Variants in AGBL1 observed in about 807,000 individuals in gnomAD.
The protein encoded by AGBL1 is AGBL carboxypeptidase 1, also known as cytosolic carboxypeptidase 4.
Under a neutral mutation model 118.9 loss-of-function variants are expected in AGBL1, and 130 were observed. The observed-to-expected ratio is 1.09, with a 90% CI of 0.95 to 1.26. The LOEUF (loss-of-function observed/expected upper bound fraction) is 1.26. Ranked by LOEUF, AGBL1 falls within the 50% of genes most tolerant of loss-of-function variation. AGBL1 has a pLI of 0.00. For missense variants in AGBL1, 1,584 were observed against 1,298.1 expected, an observed-to-expected ratio of 1.22 and a Z score of -3.38; for synonymous variants, 555 against 478.9, an observed-to-expected ratio of 1.16 and a Z score of -2.08.
intron 24 of AGBL1, among the ~76,000 whole-genome samples, chr15:87,008,732 G>A (rs918049733): frequency 1.3e-5 from 2 of 152,216 alleles, no homozygotes; most frequent in Admixed American, 6.5e-5. Context: ...CCAGGCTGAA[G>A]TGATCTCAGA....
chr15:86,134,266 G>A (rs992762157), intron 1 of AGBL1, among the ~76,000 whole-genome samples: 2 of 152,304 alleles, frequency 1.3e-5, no homozygotes, highest in African/African-American at 4.8e-5. Flanking sequence ...TCTAGTGAGT[G>A]TTCAAACTGC....
chr15:86,266,517 G>C (rs2079074917), intron 12 of AGBL1, 60 bp downstream of exon 12: 6 of 1,187,786 alleles, frequency 5.1e-6, no homozygotes, highest in Non-Finnish European at 6.0e-6. Context: ...AATGGCATGA[G>C]AATAGACATG....
At chr15:86,982,096 T>G (rs901101225) in intron 23 of AGBL1, among the ~76,000 whole-genome samples, 12 of 152,180 alleles carry the variant, frequency 7.9e-5, no homozygotes, top group African/African-American at 2.9e-4. Context: ...AGGTACCTCA[T>G]GCTGATCACA....
At chr15:86,171,496 C>T (rs367829452) in intron 5 of AGBL1, among the ~76,000 whole-genome samples, 9 of 152,018 alleles carry the variant, frequency 5.9e-5, no homozygotes, top group South Asian at 4.2e-4. Context: ...TTAAGAGTTA[C>T]GGCTAATGAG....
intron 22 of AGBL1, among the ~76,000 whole-genome samples, chr15:86,730,492 A>AT (rs1034381581): frequency 2.6e-5 from 4 of 152,200 alleles, no homozygotes; most frequent in African/African-American, 7.2e-5. Flanking sequence ...AGAACATTTT[A>AT]TTTTAGGTCC....
chr15:86,846,959 T>C (rs1277245184), intron 22 of AGBL1, among the ~76,000 whole-genome samples: 1 of 152,252 alleles, frequency 6.6e-6, no homozygotes, highest in Non-Finnish European at 1.5e-5. Context: ...TATCTGTTAT[T>C]ACTTTTTATT....
chr15:86,272,040 G>T (rs112421733), intron 15 of AGBL1, among the ~76,000 whole-genome samples: 1 of 152,094 alleles, frequency 6.6e-6, no homozygotes, highest in Non-Finnish European at 1.5e-5. Flanking sequence ...ACTTATTTCC[G>T]CTGAACCCAG....
intron 1 of AGBL1, among the ~76,000 whole-genome samples, chr15:86,119,564 G>A (rs1421482981): frequency 6.6e-6 from 1 of 152,134 alleles, no homozygotes; most frequent in Non-Finnish European, 1.5e-5. Flanking sequence ...ATCAACTGGG[G>A]CCAGTGGGGA....
At chr15:86,575,145 C>T (rs2084070562) in intron 21 of AGBL1, among the ~76,000 whole-genome samples, 1 of 151,566 alleles carries the variant, frequency 6.6e-6, no homozygotes, top group Admixed American at 6.6e-5. Flanking sequence ...GCCAAGATCA[C>T]ACCACTGCAC....
intron 5 of AGBL1, among the ~76,000 whole-genome samples, chr15:86,213,444 C>T (rs2078134406): frequency 6.6e-6 from 1 of 152,178 alleles, no homozygotes; most frequent in Admixed American, 6.5e-5. Flanking sequence ...GTTGGAAGTG[C>T]AGTTTCTCAG....
At chr15:86,191,032 T>G (rs2077710646) in intron 5 of AGBL1, among the ~76,000 whole-genome samples, 1 of 152,010 alleles carries the variant, frequency 6.6e-6, no homozygotes, top group African/African-American at 2.4e-5. Context: ...GTAAGAAAGA[T>G]GCCTGAAGAA....
At chr15:86,843,013 G>T (rs1328499682) in intron 22 of AGBL1, among the ~76,000 whole-genome samples, 1 of 152,172 alleles carries the variant, frequency 6.6e-6, no homozygotes, top group Non-Finnish European at 1.5e-5. Context: ...CCTTCAAACA[G>T]GTCAGATATC....
At chr15:86,828,928 A>G (rs2079067962) in intron 22 of AGBL1, among the ~76,000 whole-genome samples, 1 of 148,000 alleles carries the variant, frequency 6.8e-6, no homozygotes, top group African/African-American at 2.5e-5. Context: ...ATATATATAT[A>G]TATATATATA....
chr15:86,731,548 A>G (rs1283503430), intron 22 of AGBL1, among the ~76,000 whole-genome samples: 1 of 152,176 alleles, frequency 6.6e-6, no homozygotes, highest in South Asian at 2.1e-4. Context: ...TTCTTCTGGG[A>G]TTCTATCTGA....
At chr15:86,669,780 G>C (rs575009805) in intron 21 of AGBL1, among the ~76,000 whole-genome samples, 1 of 151,934 alleles carries the variant, frequency 6.6e-6, no homozygotes, top group East Asian at 1.9e-4. Context: ...ATAGAGCCCC[G>C]TCTCCTGGAA....
At chr15:86,140,836 T>C (rs1255701035) in intron 1 of AGBL1, among the ~76,000 whole-genome samples, 1 of 152,234 alleles carries the variant, frequency 6.6e-6, no homozygotes, top group Admixed American at 6.5e-5. Flanking sequence ...GGGTTCCGTG[T>C]TGATGAAACA....
At chr15:86,081,695 T>C (rs1895297104) in intron 1 of AGBL1, among the ~76,000 whole-genome samples, 1 of 152,234 alleles carries the variant, frequency 6.6e-6, no homozygotes, top group African/African-American at 2.4e-5. Context: ...CCTCTTCTAA[T>C]TTCTGAATAG....
At chr15:86,428,047 G>A (rs1405519398) in intron 18 of AGBL1, among the ~76,000 whole-genome samples, 1 of 152,146 alleles carries the variant, frequency 6.6e-6, no homozygotes, top group African/African-American at 2.4e-5. Context: ...TTCAAAGAGG[G>A]TATAATGGGT....
intron 5 of AGBL1, among the ~76,000 whole-genome samples, chr15:86,214,836 G>A (rs2078158514): frequency 6.6e-6 from 1 of 152,192 alleles, no homozygotes; most frequent in Non-Finnish European, 1.5e-5. Flanking sequence ...TCTATCTCAG[G>A]CAGTAGCCAT....
Sources: allele counts gnomAD v4.1 joint callset (sites outside exome capture counted in the v4.1 genomes callset), GRCh38; gene constraint gnomAD v4.1.1; transcripts MANE v1.5; gene names NCBI Gene and HGNC (gene_info 2026-07-23, HGNC 2026-07-21).